RGL1: variants seen among roughly 807,000 people sequenced by gnomAD.
The protein encoded by RGL1 is ral guanine nucleotide dissociation stimulator like 1.
In RGL1, 24 loss-of-function variants were observed where a neutral mutation model predicts 95.2. The observed-to-expected ratio is 0.25, with a 90% confidence interval of 0.18 to 0.35. RGL1 has a LOEUF of 0.35. Ranked by LOEUF, RGL1 falls within the 10% of genes least tolerant of loss-of-function variation. The pLI is 1.00. For synonymous variants in RGL1, 329 were observed against 344.9 expected (o/e 0.95, Z 0.51); for missense variants, 715 against 936.3 (o/e 0.76, Z 3.08).
intron 4 of RGL1, among the ~76,000 whole-genome samples, chr1:183,873,719 A>G (rs1666320265): frequency 6.6e-6 from 1 of 152,176 alleles, no homozygotes; most frequent in Non-Finnish European, 1.5e-5. Context: ...CATTATTTCC[A>G]TTGCTCTATG....
At chr1:183,904,651 TTTGGAGAGTTCTAG>T (rs1304846106) in intron 12 of RGL1, among the ~76,000 whole-genome samples, 185 bp from the exon 13 acceptor site, 3 of 152,174 alleles carry the variant, frequency 2.0e-5, no homozygotes, top group African/African-American at 7.2e-5. Flanking sequence ...ATACAAGGAC[TTTGGAGAGTTCTAG>T]TTAGAATTTT....
chr1:183,806,603 G>A (rs765902683), intron 2 of RGL1, 118 bp downstream of exon 2: 1 of 685,496 alleles, frequency 1.5e-6, no homozygotes, highest in African/African-American at 1.8e-5. Context: ...CTTTAAAAAG[G>A]AAAATGCTAA....
At chr1:183,855,930 C>A (rs1016215524) in intron 3 of RGL1, among the ~76,000 whole-genome samples, 1 of 152,024 alleles carries the variant, frequency 6.6e-6, no homozygotes, top group Admixed American at 6.6e-5. Context: ...TAGTAACCTC[C>A]TACAGGGCCA....
intron 1 of RGL1, chr1:183,710,137 T>C: frequency 4.9e-6 from 1 of 205,668 alleles, no homozygotes; most frequent in Non-Finnish European, 1.0e-5. Context: ...GTCACCCTTC[T>C]CAATGCCTGG....
chr1:183,878,150 T>TCTATCTATCTATCTA (rs1558266355), intron 4 of RGL1, among the ~76,000 whole-genome samples: 1 of 111,552 alleles, frequency 9.0e-6, no homozygotes, highest in Admixed American at 8.9e-5. Flanking sequence ...TTGATTTTCT[T>TCTATCTATCTATCTA]TCTATCTATC....
intron 2 of RGL1, among the ~76,000 whole-genome samples, chr1:183,833,610 G>T (rs920367983): frequency 1.3e-5 from 2 of 152,168 alleles, no homozygotes; most frequent in Non-Finnish European, 1.5e-5. Flanking sequence ...ACAAAAAAGT[G>T]TTAAAATATT....
intron 2 of RGL1, among the ~76,000 whole-genome samples, chr1:183,834,401 C>T (rs1663487154): frequency 6.6e-6 from 1 of 152,108 alleles, no homozygotes; most frequent in East Asian, 1.9e-4. Flanking sequence ...TTTTTCCTGA[C>T]TGCCACCTTT....
At chr1:183,679,702 A>G (rs1215954405) in intron 1 of RGL1, among the ~76,000 whole-genome samples, 1 of 152,168 alleles carries the variant, frequency 6.6e-6, no homozygotes, top group Non-Finnish European at 1.5e-5. Flanking sequence ...TTACAGTAGA[A>G]TAATTTATAA....
intron 2 of RGL1, among the ~76,000 whole-genome samples, chr1:183,815,044 G>T (rs1239141969): frequency 6.6e-6 from 1 of 152,158 alleles, no homozygotes; most frequent in Admixed American, 6.5e-5. Context: ...GGTCCGGATG[G>T]GTGGATCACT....
intron 2 of RGL1, among the ~76,000 whole-genome samples, chr1:183,795,914 T>G (rs1660676414): frequency 1.3e-5 from 2 of 152,180 alleles, no homozygotes; most frequent in South Asian, 4.1e-4. Context: ...AATCTTGAGC[T>G]ACTCAAAATA....
At chr1:183,788,628 C>T (rs1660294050) in intron 2 of RGL1, among the ~76,000 whole-genome samples, 1 of 152,062 alleles carries the variant, frequency 6.6e-6, no homozygotes, top group South Asian at 2.1e-4. Flanking sequence ...CTGTTGAGGT[C>T]ACTAAAATAG....
chr1:183,887,474 G>A (rs1023623655), intron 7 of RGL1, among the ~76,000 whole-genome samples: 6 of 152,024 alleles, frequency 3.9e-5, no homozygotes, highest in African/African-American at 1.5e-4. Flanking sequence ...TCTTACCTGA[G>A]ATACTCTACA....
chr1:183,672,125 G>A (rs1221950933), intron 1 of RGL1, among the ~76,000 whole-genome samples: 1 of 151,900 alleles, frequency 6.6e-6, no homozygotes, highest in Non-Finnish European at 1.5e-5. Flanking sequence ...TAGAGATGGG[G>A]TTTCGCCATG....
intron 2 of RGL1, among the ~76,000 whole-genome samples, chr1:183,746,026 T>G (rs1211728335): frequency 2.0e-5 from 3 of 152,052 alleles, no homozygotes; most frequent in African/African-American, 7.2e-5. Context: ...CAATTCATTT[T>G]TTTTTTTTTG....
At chr1:183,779,177 T>C (rs1659756589) in intron 2 of RGL1, among the ~76,000 whole-genome samples, 2 of 123,142 alleles carry the variant, frequency 1.6e-5, no homozygotes, top group South Asian at 3.0e-4. Flanking sequence ...CCTTCCTTCC[T>C]TCCTTCCTTC....
rs928080051 is a variant in RGL1 at position 183,793,946 on chromosome 1, A to G, written c.133-12429A>G. Among the ~76,000 whole-genome samples the G allele has an allele frequency of 6.6e-5, 10 of 152,072 alleles. No individual in the cohort carries two copies. The East Asian group carries it at 1.9e-3, about 29-fold the overall frequency. ...TCAGTATATCAAAGGAAATTAGTAT[A>G]TCGAAGGGCTACCTGGACCTCCATG... On this transcript the variant is annotated intron_variant, in intron 2 of 18. Coordinates refer to the RGL1 transcript ENST00000304685.
chr1:183,900,512 T>C (rs111533183), intron 11 of RGL1, among the ~76,000 whole-genome samples: 4 of 152,324 alleles, frequency 2.6e-5, no homozygotes, highest in African/African-American at 9.6e-5. Flanking sequence ...ACAATTATTA[T>C]TATTTTTTTG....
intron 2 of RGL1, among the ~76,000 whole-genome samples, chr1:183,772,742 G>A (rs1473484032): frequency 6.6e-6 from 1 of 152,020 alleles, no homozygotes; most frequent in Non-Finnish European, 1.5e-5. Flanking sequence ...GGGCGCGGTG[G>A]CTCACGCCTG....
chr1:183,826,302 C>T (rs1662852130), intron 2 of RGL1, among the ~76,000 whole-genome samples: 1 of 152,136 alleles, frequency 6.6e-6, no homozygotes, highest in Non-Finnish European at 1.5e-5. Flanking sequence ...AAACAAATCT[C>T]AACTCCCCCT....
Sources: gnomAD v4.1 joint callset for allele counts (sites outside exome capture counted in the v4.1 genomes callset) on GRCh38, gnomAD v4.1.1 for gene constraint, MANE v1.5 for transcripts, NCBI Gene and HGNC (gene_info 2026-07-23, HGNC 2026-07-21) for gene names.